The following RBFOX1 variants were observed in gnomAD, a reference collection of about 807,000 sequenced individuals.
RBFOX1 encodes the protein RNA binding protein fox-1 homolog 1.
RBFOX1 carries 8 observed loss-of-function variants against 57.7 expected under a neutral mutation model. The ratio of observed to expected loss-of-function variants is 0.14; its 90% CI spans 0.08 to 0.25. The LOEUF is 0.25. Ranked by LOEUF, RBFOX1 falls within the 10% of genes least tolerant of loss-of-function variation. The pLI is 1.00. For synonymous variants in RBFOX1, 326 were observed against 222.4 expected (o/e 1.47, Z -4.15); for missense variants, 611 against 548.5 (o/e 1.11, Z -1.14).
chr16:7,486,630 G>A (rs1450343986), intron 4 of RBFOX1, among the ~76,000 whole-genome samples: 1 of 152,090 alleles, frequency 6.6e-6, no homozygotes, highest in Non-Finnish European at 1.5e-5. Context: ...TTCACATGAC[G>A]AGCTCATTTA....
chr16:6,362,371 C>G (rs1315953488), intron 2 of RBFOX1, among the ~76,000 whole-genome samples: 4 of 152,084 alleles, frequency 2.6e-5, no homozygotes, highest in African/African-American at 9.7e-5. Flanking sequence ...CTTAGACCTG[C>G]TTCCCAAATG....
intron 4 of RBFOX1, among the ~76,000 whole-genome samples, chr16:7,076,548 T>C (rs1431607012): frequency 6.6e-6 from 1 of 152,210 alleles, no homozygotes; most frequent in East Asian, 1.9e-4. Context: ...TTGACTCAAA[T>C]GGAACACCTG....
chr16:6,573,082 A>G (rs2097367970), intron 2 of RBFOX1, among the ~76,000 whole-genome samples: 1 of 152,092 alleles, frequency 6.6e-6, no homozygotes, highest in African/African-American at 2.4e-5. Context: ...TTTCTCGTTG[A>G]TCTGCTCCCT....
At chr16:5,731,299 C>G (rs998299914) in intron 3 of RBFOX1, among the ~76,000 whole-genome samples, 1 of 152,094 alleles carries the variant, frequency 6.6e-6, no homozygotes, top group African/African-American at 2.4e-5. Context: ...ATCACCACCA[C>G]CACCATCATC....
chr16:7,059,714 C>T (rs2053642023), intron 4 of RBFOX1, among the ~76,000 whole-genome samples: 1 of 152,142 alleles, frequency 6.6e-6, no homozygotes, highest in South Asian at 2.1e-4. Flanking sequence ...TGCACAGCAT[C>T]CTATGTAGTG....
chr16:5,497,507 GCTCATGT>G (rs1189954397), intron 2 of RBFOX1, among the ~76,000 whole-genome samples: 2 of 151,836 alleles, frequency 1.3e-5, no homozygotes, highest in Non-Finnish European at 2.9e-5. Context: ...AGGCACGGTG[GCTCATGT>G]CTCTAATCCC....
intron 11 of RBFOX1, among the ~76,000 whole-genome samples, chr16:7,652,816 G>A (rs2065368026): frequency 6.6e-6 from 1 of 152,202 alleles, no homozygotes; most frequent in Non-Finnish European, 1.5e-5. Context: ...CTTATCAGAT[G>A]TTGGTAATAA....
At chr16:5,276,961 G>A (rs186070370) in intron 1 of RBFOX1, among the ~76,000 whole-genome samples, 7 of 152,226 alleles carry the variant, frequency 4.6e-5, no homozygotes, top group Admixed American at 3.9e-4. Context: ...CAGAGAAAAG[G>A]AAGTCATCGT....
At chr16:7,015,279 A>G (rs2093852582) in intron 3 of RBFOX1, among the ~76,000 whole-genome samples, 2 of 152,126 alleles carry the variant, frequency 1.3e-5, no homozygotes, top group South Asian at 4.1e-4. Flanking sequence ...GGGACTGCAA[A>G]TCAGAAACTG....
chr16:6,009,736 T>G (rs1187064507), intron 4 of RBFOX1, among the ~76,000 whole-genome samples: 3 of 152,054 alleles, frequency 2.0e-5, no homozygotes, highest in Non-Finnish European at 4.4e-5. Context: ...ATTCTGTTGT[T>G]GGACAAAATG....
In RBFOX1 at chr16:6,773,483, G is replaced by C. The variant is rs920928581; in HGVS notation, c.-16+118833G>C. ...ATTGTGTGTGTATGTGTGGGTGTGG[G>C]GTATATTTGTGTGTGTCTATGTGTA... On this transcript the variant is annotated intron_variant, in intron 3 of 15. Transcript: ENST00000550418. Among the ~76,000 whole-genome samples the C allele has an allele frequency of 2.0e-5, 3 of 147,528 alleles. No homozygotes were observed. The Admixed American group carries it at 2.0e-4, about 10-fold the overall frequency.
At chr16:7,575,032 C>A (rs2093189760) in intron 5 of RBFOX1, among the ~76,000 whole-genome samples, 3 of 142,348 alleles carry the variant, frequency 2.1e-5, no homozygotes, top group South Asian at 2.2e-4. Context: ...CCTTGTCTTC[C>A]ATAAATGTGA....
chr16:6,030,090 TA>T (rs1186133434), intron 1 of RBFOX1, among the ~76,000 whole-genome samples: 1 of 152,078 alleles, frequency 6.6e-6, no homozygotes, highest in Admixed American at 6.5e-5. Context: ...TTCGTGTTTT[TA>T]AATTTTTGTA....
intron 1 of RBFOX1, among the ~76,000 whole-genome samples, chr16:6,082,275 G>A (rs1173264342): frequency 2.3e-5 from 3 of 132,566 alleles, no homozygotes; most frequent in Non-Finnish European, 4.6e-5. Context: ...CTGCCTCCCA[G>A]ATTCAAGCGA....
At chr16:6,248,807 C>T (rs1439770149) in intron 1 of RBFOX1, among the ~76,000 whole-genome samples, 3 of 152,114 alleles carry the variant, frequency 2.0e-5, no homozygotes, top group East Asian at 1.9e-4. Context: ...TGTCTGTCTT[C>T]GCATCCATAG....
At chr16:7,046,680 A>G (rs910761793) in intron 3 of RBFOX1, among the ~76,000 whole-genome samples, 16 of 135,748 alleles carry the variant, frequency 1.2e-4, no homozygotes, top group African/African-American at 4.5e-4. Flanking sequence ...ATCTCGGCTC[A>G]CTGCAACCTC....
intron 6 of RBFOX1, among the ~76,000 whole-genome samples, chr16:7,581,008 G>GT (rs5815413): frequency 0.037 from 5,578 of 152,232 alleles, 344 homozygotes; most frequent in African/African-American, 0.13. Flanking sequence ...AGTTGGTGGT[G>GT]TCTCCATATA....
intron 1 of RBFOX1, among the ~76,000 whole-genome samples, chr16:6,168,460 C>T (rs1323981895): frequency 6.6e-6 from 1 of 152,172 alleles, no homozygotes; most frequent in Non-Finnish European, 1.5e-5. Flanking sequence ...TATATGCAGA[C>T]TTCTGAACTT....
chr16:7,610,582 G>A (rs1014330103), intron 10 of RBFOX1, among the ~76,000 whole-genome samples: 8 of 152,092 alleles, frequency 5.3e-5, no homozygotes, highest in East Asian at 1.9e-4. Context: ...GCCACTATCC[G>A]GATTATCCGG....
Sources: gnomAD v4.1 joint callset for allele counts (sites outside exome capture counted in the v4.1 genomes callset) on GRCh38, gnomAD v4.1.1 for gene constraint, MANE v1.5 for transcripts, NCBI Gene and HGNC (gene_info 2026-07-23, HGNC 2026-07-21) for gene names.